Variants in LRMDA observed in about 807,000 individuals in gnomAD.
LRMDA encodes leucine-rich melanocyte differentiation-associated protein.
A neutral mutation model predicts 29.8 loss-of-function variants in LRMDA; 18 were observed. That is an observed-to-expected ratio of 0.60 (90% confidence interval 0.42 to 0.90). The LOEUF (loss-of-function observed/expected upper bound fraction) is 0.90, where lower values mean the gene tolerates loss of function less well. Ranked by LOEUF, LRMDA falls within the 40% of genes least tolerant of loss-of-function variation. The pLI, the probability that LRMDA is intolerant of heterozygous loss-of-function variation, is 0.00. For missense variants in LRMDA, 273 were observed against 273.9 expected (o/e 1.00, Z 0.02); for synonymous variants, 125 against 109.4 (o/e 1.14, Z -0.89).
At chr10:76,348,463 G>T (rs1337494581) in intron 6 of LRMDA, among the ~76,000 whole-genome samples, 3 of 152,198 alleles carry the variant, frequency 2.0e-5, no homozygotes, top group African/African-American at 7.2e-5. Flanking sequence ...CAAGGGAACT[G>T]GGTAACACCC....
At chr10:75,526,867 A>C (rs868789880) in intron 2 of LRMDA, among the ~76,000 whole-genome samples, 4 of 152,168 alleles carry the variant, frequency 2.6e-5, no homozygotes, top group East Asian at 1.9e-4. Flanking sequence ...TCAAAAAAAA[A>C]AAAAACAAAA....
chr10:76,282,476 T>C (rs1005571711), intron 5 of LRMDA, among the ~76,000 whole-genome samples: 1 of 152,154 alleles, frequency 6.6e-6, no homozygotes, highest in African/African-American at 2.4e-5. Context: ...CCACGATCCA[T>C]AGCCTGCCAG....
chr10:75,536,749 G>A (rs772398288), intron 2 of LRMDA, among the ~76,000 whole-genome samples: 1 of 151,976 alleles, frequency 6.6e-6, no homozygotes, highest in Non-Finnish European at 1.5e-5. Flanking sequence ...TGTAGAGATG[G>A]GGGTCTTGCT....
intron 5 of LRMDA, among the ~76,000 whole-genome samples, chr10:76,103,743 G>T (rs941203886): frequency 6.6e-6 from 1 of 152,180 alleles, no homozygotes; most frequent in Non-Finnish European, 1.5e-5. Context: ...ATGCAGACTG[G>T]TATCTGCCCT....
At chr10:76,011,502 C>T (rs1489690689) in intron 2 of LRMDA, among the ~76,000 whole-genome samples, 1 of 152,194 alleles carries the variant, frequency 6.6e-6, no homozygotes, top group Non-Finnish European at 1.5e-5. Context: ...GCCACCCCCT[C>T]CATCCTCAGT....
chr10:75,500,855 C>CGATTA (rs1208785513), intron 2 of LRMDA, among the ~76,000 whole-genome samples: 2 of 152,160 alleles, frequency 1.3e-5, no homozygotes, highest in East Asian at 3.9e-4. Flanking sequence ...GTCCCTCGCT[C>CGATTA]GATTACAGTT....
At chr10:76,044,021 T>A (rs1351283389) in intron 3 of LRMDA, among the ~76,000 whole-genome samples, 1 of 149,298 alleles carries the variant, frequency 6.7e-6, no homozygotes, top group Non-Finnish European at 1.5e-5. Context: ...AGTCAGTATG[T>A]CAGCACCATT....
At chr10:76,422,757 G>T (rs1232628808) in intron 6 of LRMDA, among the ~76,000 whole-genome samples, 1 of 152,214 alleles carries the variant, frequency 6.6e-6, no homozygotes, top group Non-Finnish European at 1.5e-5. Flanking sequence ...TGAAAGGTTT[G>T]CTGTTGTTTG....
chr10:75,690,578 T>A (rs1349008865), intron 2 of LRMDA, among the ~76,000 whole-genome samples: 1 of 152,138 alleles, frequency 6.6e-6, no homozygotes, highest in Non-Finnish European at 1.5e-5. Flanking sequence ...AGCTCCCAAG[T>A]TGTGGGGATT....
intron 6 of LRMDA, among the ~76,000 whole-genome samples, chr10:76,363,213 G>GA (rs1564520731): frequency 8.7e-4 from 13 of 14,862 alleles, no homozygotes; most frequent in East Asian, 2.5e-3. Context: ...AGGGAGGGAA[G>GA]GAAGAGAAAG....
At chr10:75,682,151 C>T (rs1036049756) in intron 2 of LRMDA, among the ~76,000 whole-genome samples, 1 of 152,184 alleles carries the variant, frequency 6.6e-6, no homozygotes, top group African/African-American at 2.4e-5. Flanking sequence ...GGATTAAACT[C>T]AGAATTCTAC....
intron 2 of LRMDA, among the ~76,000 whole-genome samples, chr10:75,658,815 A>G (rs1300782199): frequency 1.3e-5 from 2 of 152,108 alleles, no homozygotes; most frequent in African/African-American, 4.8e-5. Flanking sequence ...GTCCTCCTCT[A>G]TTTTGGTGGG....
At chr10:76,120,214 A>G in intron 5 of LRMDA, among the ~76,000 whole-genome samples, 2 of 144,812 alleles carry the variant, frequency 1.4e-5, no homozygotes, top group Non-Finnish European at 1.5e-5. Context: ...TTTGAGACAG[A>G]GTCTCACTCT....
chr10:75,563,378 C>T (rs181858066), intron 2 of LRMDA, among the ~76,000 whole-genome samples: 2 of 152,278 alleles, frequency 1.3e-5, no homozygotes, highest in Non-Finnish European at 2.9e-5. Flanking sequence ...CTTTCAGCTT[C>T]ATCAGCTCCT....
At chr10:76,096,239 T>G (rs1195907143) in intron 5 of LRMDA, among the ~76,000 whole-genome samples, 1 of 152,206 alleles carries the variant, frequency 6.6e-6, no homozygotes, top group African/African-American at 2.4e-5. Context: ...TTCAAAATTT[T>G]ATAGCTCTAG....
chr10:76,337,416 C>T (rs932634002), intron 6 of LRMDA, among the ~76,000 whole-genome samples: 1 of 152,102 alleles, frequency 6.6e-6, no homozygotes, highest in Non-Finnish European at 1.5e-5. Flanking sequence ...AGAGAAGTCA[C>T]CACTGAGAAG....
chr10:76,162,797 G>C (rs943627405), intron 5 of LRMDA, among the ~76,000 whole-genome samples: 1 of 152,062 alleles, frequency 6.6e-6, no homozygotes, highest in African/African-American at 2.4e-5. Context: ...AACTATATCA[G>C]CCCCTCAGAT....
At chr10:76,518,571 G>T (rs1016817972) in intron 6 of LRMDA, among the ~76,000 whole-genome samples, 2 of 151,906 alleles carry the variant, frequency 1.3e-5, no homozygotes, top group Admixed American at 6.6e-5. Flanking sequence ...AAAAACTCCT[G>T]CAACTAAACT....
At chr10:75,566,639 A>G (rs1212009002) in intron 2 of LRMDA, among the ~76,000 whole-genome samples, 1 of 152,046 alleles carries the variant, frequency 6.6e-6, no homozygotes, top group Admixed American at 6.6e-5. Flanking sequence ...TGACTTCTTT[A>G]ATGCTTCTCT....
Sources: allele counts gnomAD v4.1 joint callset (sites outside exome capture counted in the v4.1 genomes callset), GRCh38; gene constraint gnomAD v4.1.1; transcripts MANE v1.5; gene names NCBI Gene and HGNC (gene_info 2026-07-23, HGNC 2026-07-21).